Variants in SKAP2 observed in about 807,000 individuals in gnomAD.
SKAP2 encodes src kinase-associated phosphoprotein 2.
In SKAP2, 28 loss-of-function variants were observed where a neutral mutation model predicts 54.9. The ratio of observed to expected loss-of-function variants is 0.51; its 90% CI spans 0.38 to 0.70. SKAP2 has a LOEUF of 0.70. SKAP2 is among the 30% of genes least tolerant of loss of function. The probability of loss-of-function intolerance (pLI) is 0.00; values close to 1 mark genes in which losing one functional copy is unlikely to be tolerated. For missense variants in SKAP2, 356 were observed against 424.1 expected (o/e 0.84, Z 1.41); for synonymous variants, 137 against 134.3 (o/e 1.02, Z -0.14).
At chr7:26,805,025 TA>T (rs1029064285) in intron 4 of SKAP2, among the ~76,000 whole-genome samples, 2 of 152,142 alleles carry the variant, frequency 1.3e-5, no homozygotes, top group Non-Finnish European at 2.9e-5. Context: ...AAAATGTCTC[TA>T]GACAGATAAT....
chr7:26,844,933 T>C (rs1784893285), intron 3 of SKAP2, among the ~76,000 whole-genome samples: 1 of 152,182 alleles, frequency 6.6e-6, no homozygotes, highest in African/African-American at 2.4e-5. Context: ...CAAGATCTTG[T>C]GGTTTCAATT....
chr7:26,784,430 G>A (rs576526196), intron 4 of SKAP2, among the ~76,000 whole-genome samples: 2 of 152,256 alleles, frequency 1.3e-5, no homozygotes, highest in African/African-American at 4.8e-5. Context: ...TACAAATTAG[G>A]CTTTCTTCTT....
rs778991807 is a variant in SKAP2, at chr7:26,864,353, C to G, written c.67+10G>C. 1.4e-5 allele frequency: 23 copies of G among 1,613,812 alleles called. No homozygotes were observed. The highest frequency in any genetic ancestry group is 1.9e-5 in the Non-Finnish European group (22 of 1,179,838). On this transcript the variant is annotated intron_variant, in intron 1 of 12. Coordinates refer to ENST00000345317, the MANE Select transcript of SKAP2 (RefSeq NM_003930.5). ...CCCGACAGCATTATCGCCGCCTTCC[C>G]GCTCTTTACCTGCCAACAGGTTCCT...
At chr7:26,811,170 T>C (rs549574567) in intron 4 of SKAP2, among the ~76,000 whole-genome samples, 17 of 152,278 alleles carry the variant, frequency 1.1e-4, no homozygotes, top group East Asian at 5.8e-4. Flanking sequence ...CAGAAAAAGA[T>C]TGTAGGCTTT....
intron 4 of SKAP2, among the ~76,000 whole-genome samples, chr7:26,769,735 G>T (rs1359820125): frequency 6.6e-6 from 1 of 152,174 alleles, no homozygotes; most frequent in African/African-American, 2.4e-5. Context: ...GCCGGAGTTT[G>T]CTGGGGGTCT....
At chr7:26,839,757 T>C (rs1784783448) in intron 4 of SKAP2, among the ~76,000 whole-genome samples, 1 of 152,090 alleles carries the variant, frequency 6.6e-6, no homozygotes, top group African/African-American at 2.4e-5. Context: ...TGATTAGTGC[T>C]ACACCTAATT....
chr7:26,839,453 G>T (rs1040571810), intron 4 of SKAP2, among the ~76,000 whole-genome samples: 1 of 152,032 alleles, frequency 6.6e-6, no homozygotes, highest in Non-Finnish European at 1.5e-5. Context: ...AAACAAAAGT[G>T]AAATGTTGAT....
chr7:26,748,724 A>T lies in SKAP2; in HGVS notation c.308-8760T>A, dbSNP rs545417859. ...TTAAGTTAAAAATATAATTCTAAAT[A>T]TATCAAAATGTTCAGACTCTAAATA... On this transcript the variant is annotated intron_variant, in intron 4 of 12. Transcript: ENST00000345317. Among the ~76,000 whole-genome samples the T allele has an allele frequency of 1.8e-4, 27 of 152,264 alleles. 1 individual carries two copies. In the South Asian group the frequency reaches 4.1e-3, roughly 23 times the overall value.
chr7:26,796,536 T>C (rs1783783510), intron 4 of SKAP2, among the ~76,000 whole-genome samples: 2 of 152,202 alleles, frequency 1.3e-5, no homozygotes, highest in South Asian at 2.1e-4. Flanking sequence ...CAGAGAAAAT[T>C]CATGACATTA....
chr7:26,799,830 C>T (rs1040059174), intron 4 of SKAP2, among the ~76,000 whole-genome samples: 1 of 152,094 alleles, frequency 6.6e-6, no homozygotes, highest in Non-Finnish European at 1.5e-5. Context: ...AGTCTTAAAA[C>T]ATTCAAAAAA....
At chr7:26,848,132 A>G (rs1190519718) in intron 3 of SKAP2, 1 of 152,240 alleles carries the variant, frequency 6.6e-6, no homozygotes, top group Non-Finnish European at 1.5e-5. Context: ...TCTTTCTGAT[A>G]TGGTTCATTA....
At position 26,821,116 on chromosome 7, in the gene SKAP2, T is replaced by C. The variant is rs1185744023; in HGVS notation, c.307+22914A>G. Among the ~76,000 whole-genome samples the C allele has an allele frequency of 2.6e-5, 4 of 152,290 alleles. No individual in the cohort carries two copies. The East Asian group carries it at 7.7e-4, about 29-fold the overall frequency. On this transcript the variant is annotated intron_variant, in intron 4 of 12. Coordinates refer to ENST00000345317, the MANE Select transcript of SKAP2 (RefSeq NM_003930.5). The stretch of plus-strand genomic sequence containing the variant: ...CATGACATGATGAAACATAAGAGTT[T>C]ATCTTTTTTAAAGTCCTTGAAAATT...
intron 4 of SKAP2, among the ~76,000 whole-genome samples, chr7:26,761,919 A>C (rs1316932770): frequency 6.6e-6 from 1 of 152,178 alleles, no homozygotes; most frequent in African/African-American, 2.4e-5. Context: ...CATATATATA[A>C]TAGGGTGACC....
intron 4 of SKAP2, among the ~76,000 whole-genome samples, chr7:26,746,043 T>A (rs1782554062): frequency 1.3e-5 from 2 of 152,180 alleles, no homozygotes; most frequent in Admixed American, 1.3e-4. Flanking sequence ...TGCCAGTATG[T>A]CATAATACCG....
intron 4 of SKAP2, among the ~76,000 whole-genome samples, chr7:26,828,775 C>T (rs1308973907): frequency 6.6e-6 from 1 of 151,736 alleles, no homozygotes; most frequent in Non-Finnish European, 1.5e-5. Context: ...ACCTGTAATC[C>T]CAGCACTTTA....
In SKAP2 at chr7:26,684,857, A is replaced by G; in HGVS notation, c.875-9T>C. 1 of 1,526,758 alleles carries G rather than the reference A, an allele frequency of 6.5e-7. No homozygotes were observed. The highest frequency in any genetic ancestry group is 9.1e-7 in the Non-Finnish European group (1 of 1,103,946). 94.6% of individuals were successfully genotyped at this position (1,526,758 alleles called of 1,614,324 possible). The stretch of plus-strand genomic sequence containing the variant: ...ATCAGTGCTCTTATCCCCTAGGAAG[A>G]AGAAAGAGAAAGCATGAATTAGGGC... On this transcript the variant is annotated splice_polypyrimidine_tract_variant and intron_variant, in intron 10 of 12. Transcript: ENST00000345317.
At chr7:26,854,368 T>C (rs1228724653) in intron 2 of SKAP2, among the ~76,000 whole-genome samples, 2 of 152,068 alleles carry the variant, frequency 1.3e-5, no homozygotes, top group African/African-American at 2.4e-5. Context: ...AGTACAGTAG[T>C]AAAATGAGGA....
rs570940846 is a variant in SKAP2 at position 26,826,035 on chromosome 7, A to C, written c.307+17995T>G. Among the ~76,000 whole-genome samples, 41 of 152,130 alleles carry C rather than the reference A, an allele frequency of 2.7e-4. 2 individuals carry two copies. The South Asian group carries it at 6.6e-3, about 25-fold the overall frequency. ...GAGAATGGTACCTCCCCAAATCTCC[A>C]TGGGGATCAGGTGAAGCTGGCCTTA... On this transcript the variant is annotated intron_variant, in intron 4 of 12. Coordinates refer to ENST00000345317, the MANE Select transcript of SKAP2 (RefSeq NM_003930.5).
At chr7:26,824,607 G>A (rs1337681495) in intron 4 of SKAP2, among the ~76,000 whole-genome samples, 3 of 152,180 alleles carry the variant, frequency 2.0e-5, no homozygotes, top group South Asian at 2.1e-4. Flanking sequence ...CCATCAGTGA[G>A]TTGTGTATCT....
Sources: allele counts gnomAD v4.1 joint callset (sites outside exome capture counted in the v4.1 genomes callset), GRCh38; gene constraint gnomAD v4.1.1; transcripts MANE v1.5; gene names NCBI Gene and HGNC (gene_info 2026-07-23, HGNC 2026-07-21).